PHF14: variants seen among roughly 807,000 people sequenced by gnomAD.
PHF14 encodes the protein PHD finger protein 14.
In PHF14, 55 loss-of-function variants were observed where a neutral mutation model predicts 117.9. The ratio of observed to expected loss-of-function variants is 0.47; its 90% CI spans 0.38 to 0.58. The LOEUF is 0.58. Ranked by LOEUF, PHF14 falls within the 20% of genes least tolerant of loss-of-function variation. The probability of loss-of-function intolerance (pLI) is 0.00; values close to 1 mark genes in which losing one functional copy is unlikely to be tolerated. For synonymous variants in PHF14, 409 were observed against 368.6 expected (o/e 1.11, Z -1.26); for missense variants, 978 against 1,122.2 (o/e 0.87, Z 1.84).
chr7:11,111,541 CT>C, intron 17 of PHF14, 74 bp downstream of exon 17: 1 of 702,546 alleles, frequency 1.4e-6, no homozygotes, highest in Non-Finnish European at 2.5e-6. Flanking sequence ...ACACAATTAG[CT>C]TCTTTAAAGA....
At chr7:11,035,508 T>A in intron 7 of PHF14, 132 bp from the exon 8 acceptor site, 1 of 483,482 alleles carries the variant, frequency 2.1e-6, no homozygotes, top group South Asian at 7.7e-5. Context: ...ACAAAAATTA[T>A]TTTTGTAATT....
chr7:11,032,450 T>G (rs895656737), intron 7 of PHF14, among the ~76,000 whole-genome samples: 2 of 152,064 alleles, frequency 1.3e-5, no homozygotes, highest in Non-Finnish European at 2.9e-5. Context: ...TCTTTCAGTT[T>G]ATATAACTTT....
chr7:10,995,606 A>G (rs149809191), intron 4 of PHF14, among the ~76,000 whole-genome samples: 124 of 152,228 alleles, frequency 8.1e-4, no homozygotes, highest in Non-Finnish European at 1.3e-3. Flanking sequence ...CGGGGGCAGC[A>G]CTCATAAGGG....
chr7:11,035,900 C>A, intron 8 of PHF14, 114 bp downstream of exon 8: 2 of 769,306 alleles, frequency 2.6e-6, no homozygotes, highest in East Asian at 5.1e-5. Flanking sequence ...TGGTTAGTTA[C>A]CTAGGAAATG....
chr7:11,113,037 C>T (rs559158851), intron 17 of PHF14, among the ~76,000 whole-genome samples: 7 of 151,906 alleles, frequency 4.6e-5, no homozygotes, highest in African/African-American at 7.2e-5. Context: ...AGTTGTCTTA[C>T]GAGTCTCTTT....
At chr7:11,002,276 A>G (rs551315448) in intron 4 of PHF14, among the ~76,000 whole-genome samples, 19 of 152,230 alleles carry the variant, frequency 1.2e-4, no homozygotes, top group African/African-American at 4.6e-4. Flanking sequence ...ATGGGGGGAT[A>G]AAAGGAACTC....
At chr7:11,152,870 G>A (rs894388608) in intron 17 of PHF14, among the ~76,000 whole-genome samples, 1 of 152,122 alleles carries the variant, frequency 6.6e-6, no homozygotes, top group Non-Finnish European at 1.5e-5. Flanking sequence ...AAAAGTCAGA[G>A]GAAACACCTA....
chr7:10,995,898 C>T (rs376254931), intron 4 of PHF14, among the ~76,000 whole-genome samples: 25 of 152,320 alleles, frequency 1.6e-4, no homozygotes, highest in African/African-American at 5.8e-4. Context: ...GGTTCCCACC[C>T]GTGCCTCTCC....
At chr7:11,091,748 A>T (rs1786648792) in intron 16 of PHF14, among the ~76,000 whole-genome samples, 2 of 152,134 alleles carry the variant, frequency 1.3e-5, no homozygotes, top group Non-Finnish European at 2.9e-5. Context: ...ACGGAGCGAG[A>T]CCCTTTCTCA....
Position 11,102,839 on chromosome 7 carries a change from T to C in PHF14, c.2655-8511T>C, listed in dbSNP as rs899670033. 4 of 1,219,332 alleles carry C rather than the reference T, an allele frequency of 3.3e-6. No individual in the cohort carries two copies. In the African/African-American group the frequency reaches 4.6e-5, roughly 14 times the overall value. 75.5% of individuals were successfully genotyped at this position (1,219,332 alleles called of 1,614,324 possible). On this transcript the variant is annotated intron_variant, in intron 16 of 17. Coordinates refer to ENST00000634607, the MANE Select transcript of PHF14 (RefSeq NM_001007157.2). ...ATACTGGATACATGTCTTGTCAGAA[T>C]TGTCGTATTAAGTAATGTCTTTCCC... is the stretch of plus-strand genomic sequence containing the variant.
intron 17 of PHF14, among the ~76,000 whole-genome samples, chr7:11,167,905 T>TGTA (rs575541393): frequency 1.6e-3 from 243 of 151,716 alleles, no homozygotes; most frequent in African/African-American, 5.5e-3. Flanking sequence ...GGTGGGTGCC[T>TGTA]GTCCCAGCTA....
chr7:10,985,738 C>T (rs557866229), intron 3 of PHF14, among the ~76,000 whole-genome samples: 7 of 148,136 alleles, frequency 4.7e-5, no homozygotes, highest in African/African-American at 1.0e-4. Context: ...CTGCAACCTC[C>T]GCCTCATGGG....
chr7:11,105,522 T>C (rs1161466912), intron 16 of PHF14: 28 of 979,620 alleles, frequency 2.9e-5, no homozygotes, highest in Non-Finnish European at 3.3e-5. Context: ...ATTTACATCA[T>C]TAAATTTTTA....
At position 10,982,507 on chromosome 7, in the gene PHF14, A is replaced by T. The variant is rs771631129; in HGVS notation, c.248A>T (p.Asn83Ile). Residue 83 changes from asparagine (N) to isoleucine (I), a missense_variant, in exon 3 of 18, where the codon AAT becomes ATT. Physicochemically the swap from Asn to Ile is moderately radical, Grantham distance 149. This residue lies in a region of PHF14 where 414 missense variants were observed against 376.4 expected (regional missense o/e 1.10). Transcript: ENST00000634607. The part of the protein sequence containing the change: ...DIKVKEEQLK[N>I]SAEEEVLSSE... ...AAAGTAAAAGAAGAACAACTTAAAA[A>T]TTCTGCAGAGGAAGAAGTACTATCA... The T allele has an allele frequency of 1.9e-6, 3 of 1,557,572 alleles. No individual in the cohort carries two copies. Among genetic ancestry groups the T allele is most frequent in the Non-Finnish European group, 2.6e-6 (3 of 1,140,948 alleles).
chr7:11,111,190 C>G (rs764062006), intron 16 of PHF14, 160 bp from the exon 17 acceptor site: 83 of 486,482 alleles, frequency 1.7e-4, no homozygotes, highest in Non-Finnish European at 2.8e-4. Flanking sequence ...GTTTAGTTTG[C>G]CTTTATCATC....
At position 11,097,465 on chromosome 7, in the gene PHF14, C is replaced by T. The variant is rs142248232; in HGVS notation, c.2655-13885C>T. Among the ~76,000 whole-genome samples, 162 of 151,948 alleles carry T rather than the reference C, an allele frequency of 1.1e-3. 1 individual carries two copies. In the East Asian group the frequency reaches 0.015, roughly 14 times the overall value. The stretch of plus-strand genomic sequence containing the variant: ...ATTATGACTAGGGATCACCATTAGG[C>T]GTAGTAGTAGGCCTTTATCATTTGA... On this transcript the variant is annotated intron_variant, in intron 16 of 17. Transcript: ENST00000634607.
At chr7:11,070,021 A>C (rs989066737) in intron 16 of PHF14, among the ~76,000 whole-genome samples, 2 of 152,120 alleles carry the variant, frequency 1.3e-5, no homozygotes, top group African/African-American at 4.8e-5. Flanking sequence ...ATCTGAACCT[A>C]GAGTTTTCAT....
At chr7:11,021,499 A>G (rs1339847516) in intron 5 of PHF14, among the ~76,000 whole-genome samples, 1 of 152,188 alleles carries the variant, frequency 6.6e-6, no homozygotes. Flanking sequence ...ATATACTTGT[A>G]TGCCAGTCAC....
At chr7:11,057,562 T>A (rs534370166) in intron 14 of PHF14, among the ~76,000 whole-genome samples, 1 of 152,040 alleles carries the variant, frequency 6.6e-6, no homozygotes, top group South Asian at 2.1e-4. Flanking sequence ...TTAGTAGAGA[T>A]GAGATTTCGC....
Sources: allele counts gnomAD v4.1 joint callset (sites outside exome capture counted in the v4.1 genomes callset), GRCh38; gene constraint gnomAD v4.1.1; regional missense constraint gnomAD v4.1.1; transcripts MANE v1.5; gene names NCBI Gene and HGNC (gene_info 2026-07-23, HGNC 2026-07-21).